The following COL5A2 variants were observed in gnomAD, a reference collection of about 807,000 sequenced individuals.
The protein encoded by COL5A2 is collagen type V alpha 2 chain.
In COL5A2, 23 loss-of-function variants were observed where a neutral mutation model predicts 208.2. The ratio of observed to expected loss-of-function variants is 0.11; its 90% confidence interval spans 0.08 to 0.16. The LOEUF is 0.16. Ranked by LOEUF, COL5A2 falls within the 10% of genes least tolerant of loss-of-function variation. The pLI, the probability that COL5A2 is intolerant of heterozygous loss-of-function variation, is 1.00. For missense variants in COL5A2, 1,590 were observed against 1,956.4 expected (o/e 0.81, Z 3.53); for synonymous variants, 625 against 628.5 (o/e 0.99, Z 0.08).
At chr2:189,257,897 G>C in the COL5A2 span, among the ~76,000 whole-genome samples, 111,532 of 152,014 alleles carry the variant, frequency 0.73, 41,038 homozygotes, top group East Asian at 0.92. Flanking sequence ...GGCAGATCAC[G>C]AGGTCAGGAG....
At chr2:189,327,814 A>G in the COL5A2 span, among the ~76,000 whole-genome samples, 1 of 152,328 alleles carries the variant, frequency 6.6e-6, no homozygotes, top group East Asian at 1.9e-4. Context: ...TTGATCCTAC[A>G]TAATTGGAAT....
At chr2:189,223,811 T>C (rs1219749265) in intron 1 of COL5A2, among the ~76,000 whole-genome samples, 1 of 152,152 alleles carries the variant, frequency 6.6e-6, no homozygotes, top group African/African-American at 2.4e-5. Context: ...TGGAGCTGGA[T>C]ACTAGGGGAG....
chr2:189,131,070 T>C (rs1380206758), intron 1 of COL5A2, among the ~76,000 whole-genome samples: 1 of 151,894 alleles, frequency 6.6e-6, no homozygotes, highest in African/African-American at 2.4e-5. Flanking sequence ...AGGAGAAAAG[T>C]GAATTGAGAG....
the COL5A2 span, among the ~76,000 whole-genome samples, chr2:189,364,586 C>T: frequency 2.6e-5 from 4 of 151,966 alleles, no homozygotes; most frequent in African/African-American, 9.7e-5. Flanking sequence ...ACTCGGAAGG[C>T]TGAGGCAGGA....
chr2:189,337,129 C>T, the COL5A2 span, among the ~76,000 whole-genome samples: 1 of 151,998 alleles, frequency 6.6e-6, no homozygotes, highest in African/African-American at 2.4e-5. Flanking sequence ...CATACACATT[C>T]ATTAATACTC....
intron 1 of COL5A2, among the ~76,000 whole-genome samples, chr2:189,128,814 T>C (rs1481412415): frequency 1.3e-5 from 2 of 152,016 alleles, no homozygotes; most frequent in Admixed American, 6.6e-5. Flanking sequence ...GAGAAGACTA[T>C]ATCTTCTGCT....
chr2:189,390,223 C>A, the COL5A2 span, among the ~76,000 whole-genome samples: 10 of 152,136 alleles, frequency 6.6e-5, no homozygotes, highest in Admixed American at 2.6e-4. Flanking sequence ...GGAGCTCACC[C>A]GCACAAATCA....
At chr2:189,280,317 CA>C in the COL5A2 span, among the ~76,000 whole-genome samples, 11 of 152,204 alleles carry the variant, frequency 7.2e-5, no homozygotes, top group Admixed American at 2.0e-4. Flanking sequence ...TGCTTTCCTA[CA>C]ATAATTTAAT....
intron 23 of COL5A2, 30 bp downstream of exon 23, chr2:189,066,360 G>C: frequency 6.4e-7 from 1 of 1,560,528 alleles, no homozygotes; most frequent in Non-Finnish European, 8.8e-7. Context: ...CCTCACAACT[G>C]TAAGAATGTG....
chr2:189,379,764 G>A, the COL5A2 span, among the ~76,000 whole-genome samples: 4 of 152,138 alleles, frequency 2.6e-5, no homozygotes, highest in South Asian at 2.1e-4. Flanking sequence ...CTCCAAGCTC[G>A]TGGTCTTTCT....
At chr2:189,097,532 A>T (rs1354724173) in intron 5 of COL5A2, 4 of 683,982 alleles carry the variant, frequency 5.8e-6, no homozygotes, top group African/African-American at 5.3e-5. Flanking sequence ...GTGACATTTA[A>T]AGACCTATGA....
chr2:189,287,281 T>G, the COL5A2 span, among the ~76,000 whole-genome samples: 1 of 152,172 alleles, frequency 6.6e-6, no homozygotes, highest in Admixed American at 6.6e-5. Context: ...GGTATAAAAT[T>G]TTTTTACAAA....
intron 1 of COL5A2, among the ~76,000 whole-genome samples, chr2:189,165,361 C>G (rs541913168): frequency 6.6e-6 from 1 of 152,218 alleles, no homozygotes; most frequent in South Asian, 2.1e-4. Flanking sequence ...ATTGTCATTT[C>G]AAATCTCCCA....
chr2:189,303,230 A>G, the COL5A2 span, among the ~76,000 whole-genome samples: 3 of 152,194 alleles, frequency 2.0e-5, no homozygotes, highest in African/African-American at 7.2e-5. Context: ...AGTACTATCC[A>G]CAGTTTCACG....
intron 31 of COL5A2, among the ~76,000 whole-genome samples, chr2:189,059,426 G>T (rs1685972401): frequency 6.6e-6 from 1 of 151,736 alleles, no homozygotes; most frequent in African/African-American, 2.4e-5. Flanking sequence ...TTACATAAAA[G>T]AAAGTTTGTC....
intron 7 of COL5A2, among the ~76,000 whole-genome samples, chr2:189,091,586 G>A (rs1379851238): frequency 1.3e-5 from 2 of 152,042 alleles, no homozygotes; most frequent in Non-Finnish European, 2.9e-5. Context: ...AATATACCTT[G>A]TTTTTTAGAC....
the COL5A2 span, among the ~76,000 whole-genome samples, chr2:189,323,467 G>T: frequency 6.6e-6 from 1 of 152,092 alleles, no homozygotes; most frequent in Non-Finnish European, 1.5e-5. Flanking sequence ...AGCAACTTCA[G>T]CAAAGTCTCA....
chr2:189,323,654 G>T, the COL5A2 span, among the ~76,000 whole-genome samples: 1 of 152,242 alleles, frequency 6.6e-6, no homozygotes, highest in South Asian at 2.1e-4. Context: ...ACAAACCACT[G>T]CTCAATGAAA....
rs1273561348 is a variant in COL5A2, at chr2:189,041,673, A to T, written c.3546T>A (p.Gly1182=). The change falls in exon 50 of 54, where the codon GGT becomes GGA. Residue 1182 remains glycine, a synonymous_variant. Coordinates refer to ENST00000374866, the MANE Select transcript of COL5A2 (RefSeq NM_000393.5). ...CAGGGTTTCCTTCTTTACCTGAAGG[A>T]CCAACTGGGCCTGGAGGACCCTGCA... ...FGPRGPPGPV[G]PSGKEGNPGP... The T allele has an allele frequency of 6.2e-7, 1 of 1,614,028 alleles. No individual in the cohort carries two copies. Among genetic ancestry groups the T allele is most frequent in the South Asian group, 1.1e-5 (1 of 91,082 alleles).
Sources: allele counts gnomAD v4.1 joint callset (sites outside exome capture counted in the v4.1 genomes callset), GRCh38; gene constraint gnomAD v4.1.1; transcripts MANE v1.5; gene names NCBI Gene and HGNC (gene_info 2026-07-23, HGNC 2026-07-21).